Variants in ZNF200 observed in about 807,000 individuals in gnomAD.
ZNF200 encodes the protein zinc finger protein 200.
Under a neutral mutation model 33.6 loss-of-function variants are expected in ZNF200, and 35 were observed. The observed-to-expected ratio is 1.04, with a 90% CI of 0.80 to 1.38. The LOEUF is 1.38. Among genes scored for constraint, ZNF200 ranks in the 40% most tolerant of loss-of-function variants. The pLI is 0.00. For missense variants in ZNF200, 592 were observed against 470.6 expected, an observed-to-expected ratio of 1.26 and a Z score of -2.39; for synonymous variants, 209 against 167.7, an observed-to-expected ratio of 1.25 and a Z score of -1.90.
chr16:3,233,351 C>G (rs1231208771), intron 2 of ZNF200, among the ~76,000 whole-genome samples, 155 bp downstream of exon 2: 1 of 152,202 alleles, frequency 6.6e-6, no homozygotes, highest in East Asian at 1.9e-4. Context: ...TACTCACACC[C>G]AGCACTTGAG....
At chr16:3,233,031 C>T in intron 2 of ZNF200, 110 bp from the exon 3 acceptor site, 1 of 916,272 alleles carries the variant, frequency 1.1e-6, no homozygotes. Context: ...TAACTCATGG[C>T]CTTTTCTGCT....
chr16:3,231,942 T>C (rs1410661225), intron 4 of ZNF200, among the ~76,000 whole-genome samples: 1 of 152,250 alleles, frequency 6.6e-6, no homozygotes, highest in African/African-American at 2.4e-5. Flanking sequence ...GAAAAGCATT[T>C]GGACTAGTGC....
At chr16:3,227,363 C>CT (rs1958499554) in intron 4 of ZNF200, 1 of 152,176 alleles carries the variant, frequency 6.6e-6, no homozygotes. Flanking sequence ...TCTAAATGTG[C>CT]TTTTTATATT....
chr16:3,228,642 G>A (rs185190606), intron 4 of ZNF200, among the ~76,000 whole-genome samples: 6 of 151,930 alleles, frequency 3.9e-5, no homozygotes, highest in East Asian at 1.9e-4. Flanking sequence ...TTACAAGCAC[G>A]CACCACCACA....
chr16:3,228,160 T>C (rs186797270), intron 4 of ZNF200, among the ~76,000 whole-genome samples: 1 of 152,318 alleles, frequency 6.6e-6, no homozygotes, highest in East Asian at 1.9e-4. Context: ...CATGTTTCTA[T>C]TCTAATGGGG....
chr16:3,226,755 T>C (rs375493529), intron 4 of ZNF200: 1 of 152,200 alleles, frequency 6.6e-6, no homozygotes, highest in South Asian at 2.1e-4. Flanking sequence ...TGTTGCTATA[T>C]CTGTAGGTCA....
At chr16:3,227,618 T>G (rs1050003122) in intron 4 of ZNF200, 1 of 152,238 alleles carries the variant, frequency 6.6e-6, no homozygotes, top group African/African-American at 2.4e-5. Flanking sequence ...ATTCTCATGA[T>G]AGTGAGTTCT....
At chr16:3,228,180 G>T (rs1022560297) in intron 4 of ZNF200, among the ~76,000 whole-genome samples, 1 of 151,970 alleles carries the variant, frequency 6.6e-6, no homozygotes, top group Non-Finnish European at 1.5e-5. Context: ...GCCTTCCACT[G>T]TATCTTCTAA....
At chr16:3,225,594 A>C (rs1274325481) in intron 4 of ZNF200, 2 of 152,212 alleles carry the variant, frequency 1.3e-5, no homozygotes, top group Non-Finnish European at 2.9e-5. Flanking sequence ...GATGCTAAGA[A>C]AAGTCCATTT....
intron 4 of ZNF200, among the ~76,000 whole-genome samples, chr16:3,232,051 T>A (rs1050156209): frequency 6.6e-6 from 1 of 152,218 alleles, no homozygotes; most frequent in Non-Finnish European, 1.5e-5. Context: ...TTCACATCTA[T>A]TGAACATCAA....
intron 1 of ZNF200, chr16:3,234,660 T>C (rs1958754407): frequency 6.6e-6 from 1 of 152,272 alleles, no homozygotes; most frequent in Non-Finnish European, 1.5e-5. Flanking sequence ...CTCCCTCCGG[T>C]GCCCTTTGGG....
intron 4 of ZNF200, among the ~76,000 whole-genome samples, chr16:3,231,370 G>A (rs930808701): frequency 1.3e-5 from 2 of 152,152 alleles, no homozygotes; most frequent in African/African-American, 4.8e-5. Context: ...TGACCATACG[G>A]TATAATTACA....
intron 4 of ZNF200, chr16:3,226,246 G>T (rs1958468262): frequency 6.6e-6 from 1 of 151,330 alleles, no homozygotes; most frequent in South Asian, 2.1e-4. Context: ...TAGAGAGAGG[G>T]TTTCATCGTG....
At chr16:3,227,958 A>G (rs574500685) in intron 4 of ZNF200, among the ~76,000 whole-genome samples, 11 of 151,970 alleles carry the variant, frequency 7.2e-5, no homozygotes, top group East Asian at 1.9e-4. Context: ...GGTATTGTTG[A>G]AAAAAAACAC....
intron 4 of ZNF200, among the ~76,000 whole-genome samples, chr16:3,228,693 G>C (rs993213991): frequency 6.6e-6 from 1 of 151,646 alleles, no homozygotes; most frequent in African/African-American, 2.4e-5. Context: ...GTAGAGATGG[G>C]GTTTTGCTAT....
chr16:3,233,013 T>C (rs1296589739), intron 2 of ZNF200, 92 bp from the exon 3 acceptor site: 10 of 1,136,686 alleles, frequency 8.8e-6, no homozygotes, highest in Non-Finnish European at 1.3e-5. Context: ...CCTCATTCCT[T>C]TGACAGGTAA....
chr16:3,234,286 G>C (rs1958734651), intron 1 of ZNF200: 1 of 152,948 alleles, frequency 6.5e-6, no homozygotes, highest in African/African-American at 2.4e-5. Context: ...CAAGCCTGTG[G>C]TCCCAGCTAC....
intron 4 of ZNF200, among the ~76,000 whole-genome samples, chr16:3,229,872 AAAAG>A (rs1335632456): frequency 1.3e-5 from 2 of 152,172 alleles, no homozygotes; most frequent in African/African-American, 2.4e-5. Context: ...TCAAAAAAAA[AAAAG>A]AAGGAAACTT....
Position 3,223,598 on chromosome 16 carries a change from T to G in ZNF200, c.*294A>C, listed in dbSNP as rs1428676064. On this transcript the variant is annotated 3_prime_UTR_variant, in exon 5 of 5. Coordinates refer to ENST00000414144, the MANE Select transcript of ZNF200 (RefSeq NM_198088.3). ...TCCAAGTAAGCAGACTCCAGATTCA[T>G]CTTCAAAGTGTTGGGAAAGGGGATC... The G allele has an allele frequency of 7.2e-6, 2 of 277,946 alleles. No individual in the cohort carries two copies. Among genetic ancestry groups the G allele is most frequent in the East Asian group, 1.4e-4 (2 of 14,422 alleles). 17.2% of individuals were successfully genotyped at this position (277,946 alleles called of 1,614,324 possible). A position where few individuals can be genotyped will look rare whatever the true frequency, so the allele number is the denominator to read the frequency against.
Sources: allele counts gnomAD v4.1 joint callset (sites outside exome capture counted in the v4.1 genomes callset), GRCh38; gene constraint gnomAD v4.1.1; transcripts MANE v1.5; gene names NCBI Gene and HGNC (gene_info 2026-07-23, HGNC 2026-07-21).